The following COL13A1 variants were observed in gnomAD, a reference collection of about 807,000 sequenced individuals.
The protein encoded by COL13A1 is collagen alpha-1(XIII) chain.
A neutral mutation model predicts 130.9 loss-of-function variants in COL13A1; 89 were observed. That is an observed-to-expected ratio of 0.68 (90% CI 0.57 to 0.81). The LOEUF is 0.81. COL13A1 is among the 30% of genes least tolerant of loss of function. The pLI, the probability that COL13A1 is intolerant of heterozygous loss-of-function variation, is 0.00. For missense variants in COL13A1, 879 were observed against 934.6 expected, an observed-to-expected ratio of 0.94 and a Z score of 0.78; for synonymous variants, 402 against 341.6, an observed-to-expected ratio of 1.18 and a Z score of -1.95.
intron 1 of COL13A1, among the ~76,000 whole-genome samples, chr10:69,804,316 C>A (rs116047761): frequency 1.1e-3 from 174 of 152,166 alleles, no homozygotes; most frequent in Non-Finnish European, 2.0e-3. Flanking sequence ...CCTTCCCAGA[C>A]CTTCCTGCTG....
At chr10:69,822,644 G>A (rs1428577375) in intron 2 of COL13A1, among the ~76,000 whole-genome samples, 1 of 152,164 alleles carries the variant, frequency 6.6e-6, no homozygotes, top group East Asian at 1.9e-4. Context: ...CCATTCATTT[G>A]TTCATAGAGT....
rs146606395 is a variant in COL13A1 at position 69,828,018 on chromosome 10, T to A, written c.364+5580T>A. Among the ~76,000 whole-genome samples the A allele has an allele frequency of 4.9e-3, 738 of 152,130 alleles. 21 individuals carry two copies. The highest frequency in any genetic ancestry group is 0.044 in the Admixed American group (668 of 15,270). Reference sequence around the variant, plus strand: ...TATCAATGAAGAAAAGATTCAAGAGTTGATGGTTATTTTAGGGAGAATATT... The same window carrying A: ...TATCAATGAAGAAAAGATTCAAGAGATGATGGTTATTTTAGGGAGAATATT... On this transcript the variant is annotated intron_variant, in intron 2 of 40. Coordinates refer to ENST00000645393, the MANE Select transcript of COL13A1 (RefSeq NM_001368882.1).
rs193219537 is a variant in COL13A1 at position 69,899,569 on chromosome 10, G to A, written c.750+807G>A. Among the ~76,000 whole-genome samples, 624 of 152,242 alleles carry A rather than the reference G, an allele frequency of 4.1e-3. 2 individuals carry two copies. Among genetic ancestry groups the A allele is most frequent in the African/African-American group, 0.014 (582 of 41,520 alleles). The stretch of plus-strand genomic sequence containing the variant: ...CAGACTGCTTAGCATCTGATCCCTC[G>A]TAACCTGAGTTTGGGGAGCAAGGGA... On this transcript the variant is annotated intron_variant, in intron 14 of 40. Coordinates refer to ENST00000645393, the MANE Select transcript of COL13A1 (RefSeq NM_001368882.1).
chr10:69,875,234 C>A, intron 5 of COL13A1, 71 bp downstream of exon 5: 1 of 1,582,262 alleles, frequency 6.3e-7, no homozygotes, highest in South Asian at 1.1e-5. Flanking sequence ...TCCTCTAAAC[C>A]ATGGCAATGT....
intron 2 of COL13A1, among the ~76,000 whole-genome samples, chr10:69,826,258 G>A (rs56209177): frequency 0.057 from 8,625 of 152,282 alleles, 326 homozygotes; most frequent in Non-Finnish European, 0.08. Flanking sequence ...GGTGGGGCAG[G>A]CAGTGTGAAG....
intron 32 of COL13A1, among the ~76,000 whole-genome samples, 194 bp from the exon 33 acceptor site, chr10:69,936,562 A>C (rs187126590): frequency 1.6e-3 from 249 of 152,178 alleles, no homozygotes; most frequent in African/African-American, 5.6e-3. Context: ...GCTGGAAAAG[A>C]CTGGCTCAGA....
chr10:69,936,965 TTTGGC>T (rs2067010440), intron 33 of COL13A1, among the ~76,000 whole-genome samples, 183 bp downstream of exon 33: 1 of 152,210 alleles, frequency 6.6e-6, no homozygotes, highest in Non-Finnish European at 1.5e-5. Context: ...CCTGGTGTGC[TTTGGC>T]TTCAGAAGCT....
Position 69,940,986 on chromosome 10 carries a change from A to C in COL13A1, c.1879-2A>C. ...TTTGGTCAAACTGTGCCCTTCGTCC[A>C]GGGAGCTTCAGGTTTGGACGGCAGG... On this transcript the variant is annotated splice_acceptor_variant, in intron 34 of 40. Transcript: ENST00000645393. LOFTEE classifies it high-confidence loss of function. 2 of 1,613,712 alleles carry C rather than the reference A, an allele frequency of 1.2e-6. No individual in the cohort carries two copies. The highest frequency in any genetic ancestry group is 2.2e-5 in the South Asian group (2 of 91,052).
chr10:69,941,075 C>T (rs779503629), intron 35 of COL13A1, 52 bp downstream of exon 35: 63 of 1,612,948 alleles, frequency 3.9e-5, no homozygotes, highest in Non-Finnish European at 5.2e-5. Context: ...CACACCTGGC[C>T]TGTGATCCCT....
At chr10:69,840,502 G>A (rs1589371220) in intron 2 of COL13A1, among the ~76,000 whole-genome samples, 1 of 152,304 alleles carries the variant, frequency 6.6e-6, no homozygotes, top group South Asian at 2.1e-4. Flanking sequence ...GGAGTCAGAT[G>A]TCCTGAGTTC....
chr10:69,864,746 C>T (rs1182867108), intron 2 of COL13A1, among the ~76,000 whole-genome samples: 1 of 152,188 alleles, frequency 6.6e-6, no homozygotes, highest in Non-Finnish European at 1.5e-5. Context: ...AGCATGGCCG[C>T]CTTGCTCGGA....
At chr10:69,855,287 C>T (rs1354325613) in intron 2 of COL13A1, among the ~76,000 whole-genome samples, 1 of 152,172 alleles carries the variant, frequency 6.6e-6, no homozygotes, top group Non-Finnish European at 1.5e-5. Context: ...GCCAGGCTGC[C>T]ACCCATGAGA....
intron 1 of COL13A1, among the ~76,000 whole-genome samples, chr10:69,807,237 C>G (rs1841836971): frequency 6.6e-6 from 1 of 152,122 alleles, no homozygotes; most frequent in Admixed American, 6.5e-5. Context: ...CTCACAACTT[C>G]CCTAAGGGAC....
intron 31 of COL13A1, among the ~76,000 whole-genome samples, chr10:69,933,175 A>T (rs2066383203): frequency 8.1e-6 from 1 of 124,038 alleles, no homozygotes; most frequent in Non-Finnish European, 1.7e-5. Flanking sequence ...AAACAGAACC[A>T]TCCCTCCACA....
At chr10:69,917,991 A>G (rs996619016) in intron 18 of COL13A1, among the ~76,000 whole-genome samples, 2 of 150,300 alleles carry the variant, frequency 1.3e-5, no homozygotes, top group African/African-American at 4.9e-5. Flanking sequence ...AGCCCCATCT[A>G]GTGCCCCACA....
At chr10:69,926,777 T>C (rs948743230) in intron 26 of COL13A1, among the ~76,000 whole-genome samples, 1 of 152,208 alleles carries the variant, frequency 6.6e-6, no homozygotes, top group African/African-American at 2.4e-5. Context: ...GGTGCTTCCT[T>C]CCCTTCAGTA....
At chr10:69,939,080 C>T (rs149936173) in intron 34 of COL13A1, among the ~76,000 whole-genome samples, 413 of 152,322 alleles carry the variant, frequency 2.7e-3, no homozygotes, top group Non-Finnish European at 5.1e-3. Flanking sequence ...TTAATTTTCT[C>T]ACTTTTGATA....
chr10:69,846,834 G>A (rs974856057), intron 2 of COL13A1, among the ~76,000 whole-genome samples: 5 of 152,206 alleles, frequency 3.3e-5, no homozygotes, highest in South Asian at 2.1e-4. Context: ...CTGGTGAGCC[G>A]GGGTGTGCAG....
At chr10:69,856,772 G>A (rs1052436385) in intron 2 of COL13A1, among the ~76,000 whole-genome samples, 12 of 152,202 alleles carry the variant, frequency 7.9e-5, no homozygotes, top group African/African-American at 1.4e-4. Flanking sequence ...GGCTGGGGGT[G>A]GAGCAGGAAG....
Sources: gnomAD v4.1 joint callset for allele counts (sites outside exome capture counted in the v4.1 genomes callset) on GRCh38, gnomAD v4.1.1 for gene constraint, MANE v1.5 for transcripts, NCBI Gene and HGNC (gene_info 2026-07-23, HGNC 2026-07-21) for gene names.